PKD1L1: variants seen among roughly 807,000 people sequenced by gnomAD.
PKD1L1 encodes polycystin-1-like protein 1.
PKD1L1 carries 236 observed loss-of-function variants against 323.4 expected under a neutral mutation model. The ratio of observed to expected loss-of-function variants is 0.73; its 90% confidence interval spans 0.66 to 0.81. PKD1L1 has a LOEUF of 0.81. Among genes scored for constraint, PKD1L1 ranks in the 40% least tolerant of loss-of-function variants. The pLI is 0.00. For missense variants in PKD1L1, 3,320 were observed against 3,508.0 expected (o/e 0.95, Z 1.35); for synonymous variants, 1,344 against 1,335.0 (o/e 1.01, Z -0.15).
chr7:47,783,234 C>T (rs1786735117), intron 56 of PKD1L1, among the ~76,000 whole-genome samples: 1 of 152,098 alleles, frequency 6.6e-6, no homozygotes, highest in Admixed American at 6.6e-5. Flanking sequence ...TTTCCACAGT[C>T]AAATACTCAG....
At chr7:47,906,773 A>G (rs900270472) in intron 9 of PKD1L1, among the ~76,000 whole-genome samples, 1 of 152,320 alleles carries the variant, frequency 6.6e-6, no homozygotes, top group South Asian at 2.1e-4. Flanking sequence ...TCATCAATGC[A>G]TCAGAATTTT....
At chr7:47,875,053 C>T (rs1404102506) in intron 23 of PKD1L1, among the ~76,000 whole-genome samples, 1 of 152,166 alleles carries the variant, frequency 6.6e-6, no homozygotes, top group African/African-American at 2.4e-5. Context: ...GAGGCCCTGG[C>T]CCAAGGTCCT....
rs528319559 is a variant in PKD1L1 at position 47,836,989 on chromosome 7, C to T, written c.5875G>A (p.Val1959Met). 2.5e-6 allele frequency: 4 copies of T among 1,614,144 alleles called. No homozygotes were observed. The highest frequency in any genetic ancestry group is 2.2e-5 in the East Asian group (1 of 44,888). ...SRYLHTPRLTVSFSLLCVYAC... is the reference protein window; with the variant it reads ...SRYLHTPRLTMSFSLLCVYAC... The stretch of plus-strand genomic sequence containing the variant: ...TAGACGCACAGCAGGGAGAAGGACA[C>T]GGTGAGGCGCGGCGTGTGCAGGTAG... Residue 1959 changes from valine (V) to methionine (M), a missense_variant, in exon 37 of 57, where the codon GTG (valine) becomes ATG (methionine). Physicochemically the swap from Val to Met is conservative, Grantham distance 21 (BLOSUM62 1). Coordinates refer to ENST00000289672, the MANE Select transcript of PKD1L1 (RefSeq NM_138295.5).
chr7:47,906,142 G>T (rs957367815), intron 9 of PKD1L1, among the ~76,000 whole-genome samples, 180 bp from the exon 10 acceptor site: 79 of 152,094 alleles, frequency 5.2e-4, no homozygotes, highest in African/African-American at 1.7e-3. Context: ...CTTAATCACA[G>T]AATTTCTGTC....
chr7:47,926,871 G>A (rs1447453422), intron 7 of PKD1L1, among the ~76,000 whole-genome samples: 2 of 151,912 alleles, frequency 1.3e-5, no homozygotes, highest in South Asian at 2.1e-4. Flanking sequence ...GCCAGCAAAC[G>A]GCCTGAGGGC....
chr7:47,809,241 C>G (rs1475332240), intron 51 of PKD1L1: 3 of 399,812 alleles, frequency 7.5e-6, no homozygotes, highest in Middle Eastern at 6.9e-4. Context: ...ACCATAAGAT[C>G]TTATGGGACC....
chr7:47,841,664 C>T (rs1166306806), intron 34 of PKD1L1, among the ~76,000 whole-genome samples: 5 of 152,052 alleles, frequency 3.3e-5, no homozygotes, highest in Admixed American at 2.0e-4. Context: ...AAAGGAAAAT[C>T]GGCTTTCTCA....
chr7:47,840,346 G>A lies in PKD1L1; in HGVS notation c.5552+115C>T, dbSNP rs1785541258. 3.0e-6 allele frequency: 2 copies of A among 655,956 alleles called. No homozygotes were observed. The highest frequency in any genetic ancestry group is 2.1e-5 in the South Asian group (1 of 46,678). 40.6% of individuals were successfully genotyped at this position (655,956 alleles called of 1,614,324 possible). A position where few individuals can be genotyped will look rare whatever the true frequency, so the allele number is the denominator to read the frequency against. Reference sequence around the variant, plus strand: ...TAAAATTGTTTGTATATAAATCGATGCTCACTATTAGAGACCAATGTTATG... The same window carrying A: ...TAAAATTGTTTGTATATAAATCGATACTCACTATTAGAGACCAATGTTATG... On this transcript the variant is annotated intron_variant, in intron 35 of 56. Transcript: ENST00000289672. The surrounding 1 kb of genome is among the most constrained non-coding windows in gnomAD (Gnocchi z 4.1).
chr7:47,839,457 C>A lies in PKD1L1; in HGVS notation c.5758G>T (p.Gly1920Cys). ...TGGAGGGAGCCTACCTTCCGGAAGC[C>A]GAGTCCCCCTTGCAGACAGGTGAGC... is the stretch of plus-strand genomic sequence containing the variant. Reference protein sequence around the residue: ...RELTCLQGGLGFRKLFYCKFT... With the variant: ...RELTCLQGGLCFRKLFYCKFT... Residue 1920 changes from glycine to cysteine, a missense_variant, in exon 36 of 57, where the codon GGC (glycine) becomes TGC (cysteine). Gly to Cys is a radical substitution (Grantham distance 159). Coordinates refer to ENST00000289672, the MANE Select transcript of PKD1L1 (RefSeq NM_138295.5). This position sits in a 1 kb window ranked among gnomAD's most constrained non-coding sequence, Gnocchi z 4.3. The A allele has an allele frequency of 6.2e-7, 1 of 1,609,110 alleles. No individual in the cohort carries two copies. The highest frequency in any genetic ancestry group is 8.5e-7 in the Non-Finnish European group (1 of 1,177,668).
rs1455297621 is a variant in PKD1L1, at chr7:47,938,419, TCCTGAGGATGTGAAA to T, written c.286-1476_286-1462del. ...AGGACCTGGGTAGATCCTGGCAGTT[TCCTGAGGATGTGAAA>T]CCCAGGGGCTGAGACAGCTGCATGT... On this transcript the variant is annotated intron_variant, in intron 3 of 56. Transcript: ENST00000289672. Among the ~76,000 whole-genome samples, 14 of 152,206 alleles carry T rather than the reference TCCTGAGGATGTGAAA, an allele frequency of 9.2e-5. No individual in the cohort carries two copies. The East Asian group carries it at 1.7e-3, about 19-fold the overall frequency.
Position 47,833,246 on chromosome 7 carries a change from C to T in PKD1L1, c.6181G>A (p.Ala2061Thr), listed in dbSNP as rs551464673. Reference sequence around the variant, plus strand: ...CCACTCCCAGAGAGAATGGCTGATGCAGGTTGCTAGAATGACAAGGTCATG... The same window carrying T: ...CCACTCCCAGAGAGAATGGCTGATGTAGGTTGCTAGAATGACAAGGTCATG... ...PDAQEPRKQP[A>T]SAILSGSGRA... is the part of the protein sequence containing the mutation. Residue 2061 changes from alanine to threonine, a missense_variant, in exon 41 of 57, where the codon GCA becomes ACA. Ala to Thr is a moderately conservative substitution (Grantham distance 58, BLOSUM62 0). Coordinates refer to ENST00000289672, the MANE Select transcript of PKD1L1 (RefSeq NM_138295.5). The T allele has an allele frequency of 4.8e-5, 77 of 1,612,408 alleles. No homozygotes were observed. In the Admixed American group the frequency reaches 7.0e-4, roughly 15 times the overall value.
At chr7:47,897,606 A>T (rs2128749873) in intron 14 of PKD1L1, among the ~76,000 whole-genome samples, 1 of 152,332 alleles carries the variant, frequency 6.6e-6, no homozygotes, top group East Asian at 1.9e-4. Flanking sequence ...AGTCACCGTG[A>T]GTGCCTCTTG....
intron 3 of PKD1L1, 126 bp downstream of exon 3, chr7:47,940,067 C>T (rs555347342): frequency 7.7e-7 from 1 of 1,301,960 alleles, no homozygotes; most frequent in African/African-American, 1.5e-5. Flanking sequence ...TTCATTGGCA[C>T]AAACACACAT....
chr7:47,929,317 G>A lies in PKD1L1; in HGVS notation c.947C>T (p.Ser316Phe), dbSNP rs2128755276. The A allele has an allele frequency of 1.2e-6, 2 of 1,614,168 alleles. No homozygotes were observed. The highest frequency in any genetic ancestry group is 1.7e-6 in the Non-Finnish European group (2 of 1,180,034). The change falls in exon 7 of 57, where the codon TCT becomes TTT. Residue 316 changes from serine (S) to phenylalanine (F), a missense_variant. Coordinates refer to ENST00000289672, the MANE Select transcript of PKD1L1 (RefSeq NM_138295.5). ...PNLGFRVHMA[S>F]GEALCLMMDF... The stretch of plus-strand genomic sequence containing the variant: ...CATCATCAGACAGAGAGCCTCTCCA[G>A]AAGCCATATGAACACGGAATCCCAG...
At chr7:47,906,151 T>A (rs1329186606) in intron 9 of PKD1L1, among the ~76,000 whole-genome samples, 189 bp from the exon 10 acceptor site, 1 of 152,248 alleles carries the variant, frequency 6.6e-6, no homozygotes, top group Non-Finnish European at 1.5e-5. Context: ...AGAATTTCTG[T>A]CATTAAATTT....
At chr7:47,871,805 T>C (rs1786286837) in intron 24 of PKD1L1, among the ~76,000 whole-genome samples, 1 of 152,192 alleles carries the variant, frequency 6.6e-6, no homozygotes, top group African/African-American at 2.4e-5. Context: ...GTGAACGACC[T>C]CTAGCTAATA....
At chr7:47,901,916 T>C (rs1182576524) in intron 13 of PKD1L1, among the ~76,000 whole-genome samples, 1 of 152,074 alleles carries the variant, frequency 6.6e-6, no homozygotes, top group Non-Finnish European at 1.5e-5. Flanking sequence ...CCAGAATAGG[T>C]GTTCAACAGA....
chr7:47,803,375 C>T (rs1354993882), intron 52 of PKD1L1, 31 bp from the exon 53 acceptor site: 3 of 1,610,660 alleles, frequency 1.9e-6, no homozygotes, highest in African/African-American at 1.3e-5. Context: ...AGTCAGTGTG[C>T]CATGCCAGTC....
At chr7:47,889,287 T>C (rs1215542280) in intron 16 of PKD1L1, among the ~76,000 whole-genome samples, 7 of 152,350 alleles carry the variant, frequency 4.6e-5, no homozygotes, top group African/African-American at 1.7e-4. Flanking sequence ...TATTTTAAAA[T>C]AAATTCTGTA....
Sources: gnomAD v4.1 joint callset for allele counts (sites outside exome capture counted in the v4.1 genomes callset) on GRCh38, gnomAD v4.1.1 for gene constraint, Gnocchi (gnomAD v3.1) non-coding constraint, MANE v1.5 for transcripts, NCBI Gene and HGNC (gene_info 2026-07-23, HGNC 2026-07-21) for gene names.